The following NHEJ1 variants were observed in gnomAD, a reference collection of about 807,000 sequenced individuals.
NHEJ1 encodes non-homologous end joining factor 1.
NHEJ1 carries 22 observed loss-of-function variants against 39.4 expected under a neutral mutation model. That is an observed-to-expected ratio of 0.56 (90% CI 0.40 to 0.80). The LOEUF (loss-of-function observed/expected upper bound fraction) is 0.80, where lower values mean the gene tolerates loss of function less well. Among genes scored for constraint, NHEJ1 ranks in the 30% least tolerant of loss-of-function variants. NHEJ1 has a pLI of 0.00. For synonymous variants in NHEJ1, 154 were observed against 135.6 expected (o/e 1.14, Z -0.94); for missense variants, 329 against 357.1 (o/e 0.92, Z 0.63).
At chr2:219,131,483 C>T (rs575335443) in intron 5 of NHEJ1, among the ~76,000 whole-genome samples, 30 of 152,300 alleles carry the variant, frequency 2.0e-4, no homozygotes, top group African/African-American at 6.5e-4. Flanking sequence ...GAGAGTGCTA[C>T]TTGTTAAACA....
intron 5 of NHEJ1, among the ~76,000 whole-genome samples, chr2:219,114,224 C>T (rs1270939853): frequency 6.6e-6 from 1 of 152,208 alleles, no homozygotes; most frequent in African/African-American, 2.4e-5. Context: ...CCCATAGCTC[C>T]ATCTGTGAGA....
rs568825713 is a variant in NHEJ1 at position 219,114,977 on chromosome 2, G to A, written c.588+31703C>T. ...AACACACAAAACTCCTTTGACTAAT[G>A]TGAGAGGGGGAAAGAGCCTCTATAA... On this transcript the variant is annotated intron_variant, in intron 5 of 7. Transcript: ENST00000356853. Among the ~76,000 whole-genome samples the A allele has an allele frequency of 3.9e-5, 6 of 152,274 alleles. No homozygotes were observed. The South Asian group carries it at 1.2e-3, about 32-fold the overall frequency.
chr2:219,145,977 A>C (rs895969030), intron 5 of NHEJ1, among the ~76,000 whole-genome samples: 2 of 152,150 alleles, frequency 1.3e-5, no homozygotes, highest in Admixed American at 6.5e-5. Flanking sequence ...CAATAATACT[A>C]AGGTACTAAC....
chr2:219,077,296 G>T lies in NHEJ1; in HGVS notation c.775C>A (p.Gln259Lys). 1 of 1,614,068 alleles carries T rather than the reference G, an allele frequency of 6.2e-7. No homozygotes were observed. The highest frequency in any genetic ancestry group is 8.5e-7 in the Non-Finnish European group (1 of 1,179,978). The change falls in exon 7 of 8, where the codon CAA becomes AAA. Residue 259 changes from glutamine (Q) to lysine (K), a missense_variant. Transcript: ENST00000356853. ...AGGGTTGGGGCTGAGGAGACCAGTT[G>T]TTCTGGCTGGTTTACACATTGGCTA... is the stretch of plus-strand genomic sequence containing the variant. The part of the protein sequence containing the change: ...IDSQCVNQPE[Q>K]LVSSAPTLSA...
At chr2:219,148,866 C>T (rs545411172) in intron 3 of NHEJ1, among the ~76,000 whole-genome samples, 8 of 151,816 alleles carry the variant, frequency 5.3e-5, no homozygotes, top group South Asian at 2.1e-4. Flanking sequence ...TATAAGCCAA[C>T]GCACTCTACA....
chr2:219,159,547 A>T (rs1390961299), intron 1 of NHEJ1, among the ~76,000 whole-genome samples: 1 of 16,592 alleles, frequency 6.0e-5, no homozygotes, highest in Non-Finnish European at 3.1e-4. Flanking sequence ...GCATATATAT[A>T]TATGCATATA....
Position 219,155,533 on chromosome 2 carries a change from T to C in NHEJ1, c.390+1939A>G, listed in dbSNP as rs149327732. ...TTAATTTAAAATAAACAAATGTGAGTATATGCTAAGTACTGTTGATAGACC... is the reference window on the plus strand; with the variant it reads ...TTAATTTAAAATAAACAAATGTGAGCATATGCTAAGTACTGTTGATAGACC... On this transcript the variant is annotated intron_variant, in intron 3 of 7. Coordinates refer to ENST00000356853, the MANE Select transcript of NHEJ1 (RefSeq NM_024782.3). Among the ~76,000 whole-genome samples the C allele has an allele frequency of 5.9e-5, 9 of 152,166 alleles. No homozygotes were observed. In the East Asian group the frequency reaches 1.7e-3, roughly 29 times the overall value.
rs895169523 is a variant in NHEJ1, at chr2:219,074,311, C to CTT, written c.*2068_*2069dup. Reference sequence around the variant, plus strand: ...CTGGCCCCGCTGTGATGAAAAATGTCTTGAGTCTGTGCTGTTACAGTACAG... The same window carrying CTT: ...CTGGCCCCGCTGTGATGAAAAATGTCTTTTGAGTCTGTGCTGTTACAGTACAG... On this transcript the variant is annotated 3_prime_UTR_variant, in exon 8 of 8. Transcript: ENST00000356853. Among the ~76,000 whole-genome samples the CTT allele has an allele frequency of 3.6e-4, 55 of 152,200 alleles. No homozygotes were observed. Among genetic ancestry groups the CTT allele is most frequent in the African/African-American group, 1.3e-3 (54 of 41,440 alleles).
At chr2:219,078,002 T>C in intron 6 of NHEJ1, 87 bp downstream of exon 6, 1 of 910,330 alleles carries the variant, frequency 1.1e-6, no homozygotes, top group Non-Finnish European at 1.8e-6. Flanking sequence ...AATAGTTATA[T>C]GTGGCTAGAA....
intron 5 of NHEJ1, chr2:219,102,695 C>G (rs1949274516): frequency 6.6e-6 from 1 of 151,864 alleles, no homozygotes; most frequent in African/African-American, 2.4e-5. Flanking sequence ...CTACTGCACT[C>G]TAGCCTGGGC....
chr2:219,129,791 G>A (rs1481613345), intron 5 of NHEJ1, among the ~76,000 whole-genome samples: 1 of 152,240 alleles, frequency 6.6e-6, no homozygotes, highest in African/African-American at 2.4e-5. Context: ...CCCGGGCACC[G>A]TGTGTCCACA....
At chr2:219,152,184 G>A (rs1273007402) in intron 3 of NHEJ1, among the ~76,000 whole-genome samples, 4 of 152,186 alleles carry the variant, frequency 2.6e-5, no homozygotes, top group Non-Finnish European at 5.9e-5. Context: ...CCATCAAAGA[G>A]CTTACAACAG....
At chr2:219,126,324 C>T (rs1203745418) in intron 5 of NHEJ1, among the ~76,000 whole-genome samples, 1 of 152,240 alleles carries the variant, frequency 6.6e-6, no homozygotes, top group Admixed American at 6.5e-5. Context: ...ACTTGTGCAA[C>T]TCGAGGCCGT....
At chr2:219,090,143 A>G (rs1376921156) in intron 5 of NHEJ1, among the ~76,000 whole-genome samples, 1 of 152,236 alleles carries the variant, frequency 6.6e-6, no homozygotes, top group Non-Finnish European at 1.5e-5. Context: ...AAATGAGACA[A>G]CGTAGGTAAC....
At chr2:219,100,609 TAAAA>T (rs58295341) in intron 5 of NHEJ1, among the ~76,000 whole-genome samples, 7 of 121,458 alleles carry the variant, frequency 5.8e-5, no homozygotes, top group Admixed American at 5.1e-4. Context: ...AGACTGTCTT[TAAAA>T]AAAAAAAAAA....
chr2:219,100,008 A>G (rs2106332489), intron 5 of NHEJ1, among the ~76,000 whole-genome samples: 1 of 152,188 alleles, frequency 6.6e-6, no homozygotes, highest in South Asian at 2.1e-4. Flanking sequence ...CACTGAGGGG[A>G]GGGGTGGTAT....
intron 5 of NHEJ1, among the ~76,000 whole-genome samples, chr2:219,128,414 G>A (rs1949544501): frequency 6.6e-6 from 1 of 152,054 alleles, no homozygotes; most frequent in Non-Finnish European, 1.5e-5. Context: ...TTTTCAGAAG[G>A]GAAGAGGATA....
intron 5 of NHEJ1, among the ~76,000 whole-genome samples, chr2:219,106,224 C>A (rs905067535): frequency 1.3e-5 from 2 of 152,092 alleles, no homozygotes; most frequent in Non-Finnish European, 2.9e-5. Flanking sequence ...CTGGCTCCTG[C>A]GCCCAATGTC....
chr2:219,135,043 TAA>T (rs59843524), intron 5 of NHEJ1, among the ~76,000 whole-genome samples: 6 of 110,380 alleles, frequency 5.4e-5, no homozygotes, highest in Admixed American at 1.9e-4. Context: ...CCGTCTCAAT[TAA>T]AAAAAAAAAA....
Sources: gnomAD v4.1 joint callset for allele counts (sites outside exome capture counted in the v4.1 genomes callset) on GRCh38, gnomAD v4.1.1 for gene constraint, MANE v1.5 for transcripts, NCBI Gene and HGNC (gene_info 2026-07-23, HGNC 2026-07-21) for gene names.